FNDC3A: variants seen among roughly 807,000 people sequenced by gnomAD.
The protein encoded by FNDC3A is fibronectin type-III domain-containing protein 3A.
A neutral mutation model predicts 148.9 loss-of-function variants in FNDC3A; 32 were observed. The ratio of observed to expected loss-of-function variants is 0.21; its 90% CI spans 0.16 to 0.29. The LOEUF is 0.29. Among genes scored for constraint, FNDC3A ranks in the 10% least tolerant of loss-of-function variants. The pLI, the probability that FNDC3A is intolerant of heterozygous loss-of-function variation, is 1.00. For missense variants in FNDC3A, 1,191 were observed against 1,452.8 expected (o/e 0.82, Z 2.93); for synonymous variants, 472 against 473.6 (o/e 1.00, Z 0.04).
chr13:49,074,646 A>T (rs1877968856), intron 2 of FNDC3A, among the ~76,000 whole-genome samples: 1 of 152,202 alleles, frequency 6.6e-6, no homozygotes, highest in African/African-American at 2.4e-5. Context: ...ACTTTAAAAA[A>T]GGTAGAGAAT....
chr13:49,202,496 T>C (rs1886465245), intron 24 of FNDC3A, among the ~76,000 whole-genome samples: 1 of 152,234 alleles, frequency 6.6e-6, no homozygotes, highest in South Asian at 2.1e-4. Context: ...TGGCAAGGGC[T>C]ACACTCTATT....
chr13:49,191,912 T>C (rs187924071), intron 19 of FNDC3A, among the ~76,000 whole-genome samples: 126 of 152,304 alleles, frequency 8.3e-4, no homozygotes, highest in African/African-American at 2.8e-3. Flanking sequence ...CTCCAAAAAG[T>C]GGACAAAGTA....
intron 8 of FNDC3A, among the ~76,000 whole-genome samples, chr13:49,158,586 G>A (rs1883879522): frequency 6.6e-6 from 1 of 152,176 alleles, no homozygotes; most frequent in Non-Finnish European, 1.5e-5. Context: ...CACTCTGATG[G>A]TAGTTTATTT....
chr13:49,186,197 G>C, intron 15 of FNDC3A, 95 bp downstream of exon 15: 5 of 1,070,498 alleles, frequency 4.7e-6, no homozygotes, highest in Non-Finnish European at 6.8e-6. Flanking sequence ...GAGTAAATTT[G>C]TTATCTCAAG....
chr13:49,101,441 T>G (rs1009095397), intron 3 of FNDC3A, among the ~76,000 whole-genome samples: 1 of 152,028 alleles, frequency 6.6e-6, no homozygotes, highest in African/African-American at 2.4e-5. Flanking sequence ...AGTACAAGAG[T>G]GTACCTCACA....
intron 8 of FNDC3A, among the ~76,000 whole-genome samples, chr13:49,153,903 G>A (rs1345247284): frequency 7.8e-6 from 1 of 128,456 alleles, no homozygotes; most frequent in Non-Finnish European, 1.6e-5. Context: ...CCAGTACCAT[G>A]CTGTTTTGGT....
intron 2 of FNDC3A, among the ~76,000 whole-genome samples, chr13:49,033,606 G>T (rs1874284941): frequency 2.0e-5 from 3 of 151,986 alleles, no homozygotes; most frequent in Non-Finnish European, 4.4e-5. Flanking sequence ...TCTTACAGCA[G>T]CTGTTGGTAC....
intron 3 of FNDC3A, among the ~76,000 whole-genome samples, chr13:49,084,613 A>T (rs1254629358): frequency 6.6e-6 from 1 of 152,138 alleles, no homozygotes. Context: ...ATCAAGGTGA[A>T]TTCAAGTTTT....
intron 3 of FNDC3A, among the ~76,000 whole-genome samples, chr13:49,087,568 A>C (rs1399673748): frequency 1.3e-5 from 2 of 152,116 alleles, no homozygotes; most frequent in African/African-American, 4.8e-5. Flanking sequence ...ATAGGGAAAA[A>C]ATGGAAAGAT....
At chr13:49,106,773 C>CAAAAAAAAAAAAAA (rs543962565) in intron 3 of FNDC3A, among the ~76,000 whole-genome samples, 2 of 79,890 alleles carry the variant, frequency 2.5e-5, no homozygotes, top group East Asian at 4.0e-4. Flanking sequence ...TGAATGAAAG[C>CAAAAAAAAAAAAAA]AAAAAAAAAA....
At chr13:49,109,672 A>G (rs903872625) in intron 3 of FNDC3A, among the ~76,000 whole-genome samples, 20 of 152,196 alleles carry the variant, frequency 1.3e-4, no homozygotes, top group African/African-American at 3.1e-4. Context: ...ATTCGTGGAT[A>G]TGAGTAAGAA....
At chr13:49,160,054 A>G (rs1328824842) in intron 8 of FNDC3A, among the ~76,000 whole-genome samples, 1 of 152,212 alleles carries the variant, frequency 6.6e-6, no homozygotes. Flanking sequence ...ATCGATGTTC[A>G]TCAGGGATAT....
At chr13:49,080,704 T>A (rs941923154) in intron 3 of FNDC3A, among the ~76,000 whole-genome samples, 2 of 152,176 alleles carry the variant, frequency 1.3e-5, no homozygotes, top group African/African-American at 4.8e-5. Context: ...ACCTTCTTAG[T>A]TTTATGTTGT....
At chr13:49,169,342 C>A (rs1015772895) in intron 10 of FNDC3A, among the ~76,000 whole-genome samples, 2 of 152,162 alleles carry the variant, frequency 1.3e-5, no homozygotes, top group African/African-American at 4.8e-5. Flanking sequence ...CAGTCTTTCC[C>A]AGATTGCACA....
chr13:49,125,305 T>C (rs1285958487), intron 4 of FNDC3A, among the ~76,000 whole-genome samples: 1 of 152,054 alleles, frequency 6.6e-6, no homozygotes, highest in African/African-American at 2.4e-5. Flanking sequence ...CCTAAGAGAT[T>C]TATATGAGAA....
chr13:48,984,512 A>G (rs1243343550), intron 1 of FNDC3A, among the ~76,000 whole-genome samples: 1 of 152,238 alleles, frequency 6.6e-6, no homozygotes, highest in Admixed American at 6.5e-5. Flanking sequence ...GAGAAGATCC[A>G]TAGATAAACA....
At chr13:48,983,885 A>C (rs1202465482) in intron 1 of FNDC3A, among the ~76,000 whole-genome samples, 1 of 152,192 alleles carries the variant, frequency 6.6e-6, no homozygotes, top group Non-Finnish European at 1.5e-5. Flanking sequence ...AAAAATAATT[A>C]ACCTGTAAAT....
chr13:49,138,407 A>G (rs1882503669), intron 6 of FNDC3A, among the ~76,000 whole-genome samples: 1 of 152,198 alleles, frequency 6.6e-6, no homozygotes, highest in Non-Finnish European at 1.5e-5. Context: ...TATGAGATTG[A>G]CAAATGAGAA....
At chr13:49,016,606 T>G (rs1051763859) in intron 2 of FNDC3A, among the ~76,000 whole-genome samples, 2 of 152,042 alleles carry the variant, frequency 1.3e-5, no homozygotes, top group African/African-American at 2.4e-5. Flanking sequence ...TTTCCTTCAG[T>G]TCTGCTCTGA....
Sources: gnomAD v4.1 joint callset for allele counts (sites outside exome capture counted in the v4.1 genomes callset) on GRCh38, gnomAD v4.1.1 for gene constraint, MANE v1.5 for transcripts, NCBI Gene and HGNC (gene_info 2026-07-23, HGNC 2026-07-21) for gene names.